The following PPIL6 variants were observed in gnomAD, a reference collection of about 807,000 sequenced individuals.
PPIL6 encodes peptidylprolyl isomerase like 6, also known as probable inactive peptidyl-prolyl cis-trans isomerase-like 6.
Under a neutral mutation model 36.8 loss-of-function variants are expected in PPIL6, and 39 were observed. The observed-to-expected ratio is 1.06, with a 90% CI of 0.82 to 1.38. The LOEUF is 1.38. PPIL6 is among the 40% of genes most tolerant of loss of function. PPIL6 has a pLI of 0.00. For synonymous variants in PPIL6, 123 were observed against 134.1 expected, an observed-to-expected ratio of 0.92 and a Z score of 0.57; for missense variants, 368 against 379.1, an observed-to-expected ratio of 0.97 and a Z score of 0.24.
At chr6:109,420,833 T>C (rs1773505845) in intron 5 of PPIL6, among the ~76,000 whole-genome samples, 1 of 152,202 alleles carries the variant, frequency 6.6e-6, no homozygotes, top group Admixed American at 6.5e-5. Context: ...GTAGAGAGAA[T>C]TTATCCCAGA....
At chr6:109,419,805 C>G (rs551462814) in intron 5 of PPIL6, among the ~76,000 whole-genome samples, 106 of 152,116 alleles carry the variant, frequency 7.0e-4, no homozygotes, top group African/African-American at 2.5e-3. Context: ...AATATCCACA[C>G]TATGAAAATA....
Position 109,426,880 on chromosome 6 carries a change from G to C in PPIL6, c.598C>G (p.Arg200Gly), listed in dbSNP as rs748089227. 1 of 1,598,986 alleles carries C rather than the reference G, an allele frequency of 6.3e-7. No homozygotes were observed. The highest frequency in any genetic ancestry group is 1.3e-5 in the African/African-American group (1 of 74,810). The change falls in exon 5 of 8, where the codon CGA becomes GGA. Residue 200 changes from arginine (R) to glycine (G), a missense_variant. Transcript: ENST00000521072. Reference sequence around the variant, plus strand: ...TGTATCCAGCCATTCTGTACTATTCGATGAAAAATGGAATTTTTGTAATGT... The same window carrying C: ...TGTATCCAGCCATTCTGTACTATTCCATGAAAAATGGAATTTTTGTAATGT... ...RLHYKNSIFH[R>G]IVQNGWIQGG... is the part of the protein sequence containing the mutation.
chr6:109,438,961 T>A (rs1031434385), intron 1 of PPIL6, among the ~76,000 whole-genome samples: 1 of 152,248 alleles, frequency 6.6e-6, no homozygotes, highest in Non-Finnish European at 1.5e-5. Context: ...AAATTTCGTG[T>A]CCATAATATG....
chr6:109,401,128 G>A (rs984220423), intron 6 of PPIL6, among the ~76,000 whole-genome samples: 12 of 149,352 alleles, frequency 8.0e-5, no homozygotes, highest in African/African-American at 2.7e-4. Context: ...CGCCTGCCTC[G>A]GCCTCCCAAA....
intron 5 of PPIL6, among the ~76,000 whole-genome samples, chr6:109,424,226 A>G (rs1773698280): frequency 6.6e-6 from 1 of 152,150 alleles, no homozygotes; most frequent in African/African-American, 2.4e-5. Flanking sequence ...GGTTGGGGGC[A>G]GGGGGTGAAA....
chr6:109,440,326 C>T, intron 1 of PPIL6, 130 bp downstream of exon 1: 1 of 1,188,946 alleles, frequency 8.4e-7, no homozygotes, highest in Non-Finnish European at 1.2e-6. Context: ...GGCCAGGACA[C>T]GCCAGCCCCT....
Position 109,440,562 on chromosome 6 carries a change from G to A in PPIL6, c.29C>T (p.Pro10Leu). 2 of 1,461,326 alleles carry A rather than the reference G, an allele frequency of 1.4e-6. No homozygotes were observed. Among genetic ancestry groups the A allele is most frequent in the African/African-American group, 1.5e-5 (1 of 66,690 alleles). 90.5% of individuals were successfully genotyped at this position (1,461,326 alleles called of 1,614,324 possible). A position where few individuals can be genotyped will look rare whatever the true frequency, so the allele number is the denominator to read the frequency against. The change falls in exon 1 of 8, where the codon CCG (proline) becomes CTG (leucine). Residue 10 changes from proline to leucine, a missense_variant. Coordinates refer to ENST00000521072, the MANE Select transcript of PPIL6 (RefSeq NM_173672.5). MARPQPCGPPHARCGSPSLP... is the reference protein window; with the variant it reads MARPQPCGPLHARCGSPSLP... ...CGACGGCGAGCCGCACCTAGCGTGC[G>A]GGGGCCCGCACGGCTGCGGCCTTGC...
rs757851035 is a variant in PPIL6, at chr6:109,436,105, C to CT, written c.229dup (p.Arg77LysfsTer6). The CT allele has an allele frequency of 9.8e-6, 15 of 1,528,726 alleles. No homozygotes were observed. Among genetic ancestry groups the CT allele is most frequent in the African/African-American group, 6.8e-5 (5 of 73,256 alleles). The allele number at this position is 1,528,726 out of a possible 1,614,324, so 94.7% of individuals were successfully genotyped here. On this transcript the variant is annotated frameshift_variant and splice_region_variant, in exon 2 of 8. Coordinates refer to ENST00000521072, the MANE Select transcript of PPIL6 (RefSeq NM_173672.5). LOFTEE classifies it high-confidence loss of function. ...CCCCACACCCCAAATATCCTTTACC[C>CT]TTTTTTTCTCCTGTAGATATTGATG...
chr6:109,423,433 T>C (rs1331357355), intron 5 of PPIL6, among the ~76,000 whole-genome samples: 1 of 152,144 alleles, frequency 6.6e-6, no homozygotes, highest in Non-Finnish European at 1.5e-5. Flanking sequence ...TAATAAAATT[T>C]TCCTCTATCC....
intron 5 of PPIL6, among the ~76,000 whole-genome samples, chr6:109,425,522 G>A (rs1226587802): frequency 6.6e-6 from 1 of 152,180 alleles, no homozygotes; most frequent in Non-Finnish European, 1.5e-5. Context: ...GCTGAGGCGT[G>A]CGGATCACCT....
chr6:109,436,209 GA>G lies in PPIL6; in HGVS notation c.136-11del. The G allele has an allele frequency of 7.2e-7, 1 of 1,397,400 alleles. No individual in the cohort carries two copies. Among genetic ancestry groups the G allele is most frequent in the Non-Finnish European group, 1.0e-6 (1 of 988,090 alleles). 86.6% of individuals were successfully genotyped at this position (1,397,400 alleles called of 1,614,324 possible). ...GATTATTCTTCAGATTCTGGATTTC[GA>G]AATAGAATAATTATTTTAGAGTTAG... On this transcript the variant is annotated splice_polypyrimidine_tract_variant and intron_variant, in intron 1 of 7. Coordinates refer to ENST00000521072, the MANE Select transcript of PPIL6 (RefSeq NM_173672.5).
intron 5 of PPIL6, among the ~76,000 whole-genome samples, chr6:109,420,131 C>T (rs369638105): frequency 6.2e-4 from 94 of 151,840 alleles, no homozygotes; most frequent in African/African-American, 2.1e-3. Flanking sequence ...GCCAGGAGTT[C>T]GAGACCAGCC....
intron 3 of PPIL6, among the ~76,000 whole-genome samples, chr6:109,428,550 G>GAA (rs1562271074): frequency 2.3e-5 from 2 of 85,790 alleles, no homozygotes; most frequent in Non-Finnish European, 2.4e-5. Flanking sequence ...GAGACCCTAT[G>GAA]AAGAAAAAAA....
intron 3 of PPIL6, among the ~76,000 whole-genome samples, chr6:109,429,785 G>A (rs918386939): frequency 2.0e-5 from 3 of 152,180 alleles, no homozygotes; most frequent in South Asian, 2.1e-4. Context: ...ATTGGTTCCC[G>A]CCTGTTTTCC....
At chr6:109,408,703 T>G (rs988623912) in intron 6 of PPIL6, among the ~76,000 whole-genome samples, 1 of 152,194 alleles carries the variant, frequency 6.6e-6, no homozygotes, top group African/African-American at 2.4e-5. Context: ...TTCATTCTGT[T>G]CCCCTGCATT....
intron 2 of PPIL6, among the ~76,000 whole-genome samples, chr6:109,431,976 C>A (rs1170696308): frequency 6.6e-6 from 1 of 152,176 alleles, no homozygotes; most frequent in Non-Finnish European, 1.5e-5. Context: ...CAAATTAACA[C>A]TCTATATTAA....
At chr6:109,440,975 T>G, upstream of PPIL6, 3 of 760,366 alleles carry the variant, frequency 3.9e-6, no homozygotes, top group Non-Finnish European at 4.3e-6. Context: ...GGGCCCGACC[T>G]GAGCCACGCG....
chr6:109,435,494 C>T (rs1275779996), intron 2 of PPIL6, among the ~76,000 whole-genome samples: 2 of 152,086 alleles, frequency 1.3e-5, no homozygotes, highest in Non-Finnish European at 2.9e-5. Context: ...GACGGAGTTT[C>T]ACCACGTTGG....
At chr6:109,420,640 C>T (rs1015487800) in intron 5 of PPIL6, among the ~76,000 whole-genome samples, 14 of 152,160 alleles carry the variant, frequency 9.2e-5, no homozygotes, top group Admixed American at 6.5e-5. Context: ...TCTGTCCTCT[C>T]TCCCCCATCC....
Sources: allele counts gnomAD v4.1 joint callset (sites outside exome capture counted in the v4.1 genomes callset), GRCh38; gene constraint gnomAD v4.1.1; transcripts MANE v1.5; gene names NCBI Gene and HGNC (gene_info 2026-07-23, HGNC 2026-07-21).